The following MYO3A variants were observed in gnomAD, a reference collection of about 807,000 sequenced individuals.
MYO3A encodes myosin IIIA, also known as myosin-IIIa.
Under a neutral mutation model 192.7 loss-of-function variants are expected in MYO3A, and 180 were observed. The ratio of observed to expected loss-of-function variants is 0.93; its 90% confidence interval spans 0.83 to 1.06. The LOEUF (loss-of-function observed/expected upper bound fraction) is 1.06, where lower values mean the gene tolerates loss of function less well. Among genes scored for constraint, MYO3A ranks in the 50% least tolerant of loss-of-function variants. MYO3A has a pLI of 0.00. For missense variants in MYO3A, 1,896 were observed against 1,905.0 expected (o/e 1.00, Z 0.09); for synonymous variants, 628 against 645.3 (o/e 0.97, Z 0.41).
chr10:26,015,561 T>C (rs977314427), intron 6 of MYO3A, among the ~76,000 whole-genome samples: 18 of 152,222 alleles, frequency 1.2e-4, no homozygotes, highest in Non-Finnish European at 2.6e-4. Context: ...AGCTTAAGTT[T>C]ACTAACCTGA....
At chr10:25,968,042 T>G (rs756135506) in intron 4 of MYO3A, among the ~76,000 whole-genome samples, 2 of 152,140 alleles carry the variant, frequency 1.3e-5, no homozygotes, top group African/African-American at 2.4e-5. Flanking sequence ...GCTGAAATTT[T>G]TCTAAATTTG....
chr10:26,013,998 T>C lies in MYO3A; in HGVS notation c.509-2822T>C, dbSNP rs1328356555. ...CAACTTGGATGGAGCTGGAGGCCATTATGCTAAGTGAAATATCACAGGAGT... is the reference window on the plus strand; with the variant it reads ...CAACTTGGATGGAGCTGGAGGCCATCATGCTAAGTGAAATATCACAGGAGT... On this transcript the variant is annotated intron_variant, in intron 6 of 34. Transcript: ENST00000642920. 3.3e-5 allele frequency among the ~76,000 whole-genome samples: 5 copies of C among 152,228 alleles called. No homozygotes were observed. The East Asian group carries it at 7.7e-4, about 24-fold the overall frequency.
intron 10 of MYO3A, among the ~76,000 whole-genome samples, chr10:26,065,026 T>C (rs1031218403): frequency 6.6e-6 from 1 of 152,094 alleles, no homozygotes; most frequent in Admixed American, 6.5e-5. Flanking sequence ...AACTGAAACT[T>C]GGGAGACCCC....
intron 17 of MYO3A, among the ~76,000 whole-genome samples, chr10:26,104,249 A>G (rs2131604180): frequency 6.6e-6 from 1 of 152,226 alleles, no homozygotes; most frequent in South Asian, 2.1e-4. Flanking sequence ...TTAGTGTTGT[A>G]TAGAAAACCA....
At chr10:26,056,063 C>T (rs926489721) in intron 10 of MYO3A, among the ~76,000 whole-genome samples, 6 of 152,154 alleles carry the variant, frequency 3.9e-5, no homozygotes, top group African/African-American at 1.4e-4. Flanking sequence ...TTTGTAAGTC[C>T]ACAGTTAATA....
At chr10:26,153,780 G>T (rs1840938564) in intron 23 of MYO3A, 70 bp from the exon 24 acceptor site, 1 of 1,022,726 alleles carries the variant, frequency 9.8e-7, no homozygotes, top group Non-Finnish European at 1.5e-6. Context: ...TAACATTTAA[G>T]TAAATGGGAA....
Position 26,157,531 on chromosome 10 carries a change from T to C in MYO3A, c.2999+16T>C, listed in dbSNP as rs1330288171. The C allele has an allele frequency of 6.2e-7, 1 of 1,605,260 alleles. No homozygotes were observed. Among genetic ancestry groups the C allele is most frequent in the Non-Finnish European group, 8.5e-7 (1 of 1,172,048 alleles). On this transcript the variant is annotated intron_variant, in intron 26 of 34. Coordinates refer to ENST00000642920, the MANE Select transcript of MYO3A (RefSeq NM_017433.5). ...TTATAAAGCGGTATGTGGATTTCTT[T>C]TTCAGTTTCTATTGTGCAGTTTATA...
chr10:26,018,478 C>G (rs1485065275), intron 7 of MYO3A, among the ~76,000 whole-genome samples: 2 of 151,966 alleles, frequency 1.3e-5, no homozygotes, highest in African/African-American at 2.4e-5. Flanking sequence ...ACCATAATGG[C>G]ATAGAAGTAT....
chr10:26,109,794 T>C (rs926595156), intron 17 of MYO3A, among the ~76,000 whole-genome samples: 7 of 152,204 alleles, frequency 4.6e-5, no homozygotes, highest in African/African-American at 1.7e-4. Context: ...GAATCTCTCA[T>C]TGAATTCTGA....
At chr10:26,159,942 T>C (rs1238449715) in intron 26 of MYO3A, among the ~76,000 whole-genome samples, 1 of 152,058 alleles carries the variant, frequency 6.6e-6, no homozygotes, top group East Asian at 1.9e-4. Flanking sequence ...AATGGAATTT[T>C]TTTATTGGCT....
At chr10:26,077,242 T>TTTTTTTTGTTTG (rs1835644407) in intron 14 of MYO3A, among the ~76,000 whole-genome samples, 1 of 140,698 alleles carries the variant, frequency 7.1e-6, no homozygotes, top group Non-Finnish European at 1.5e-5. Context: ...GGTTTTTTTT[T>TTTTTTTTGTTTG]TTTTTTTTTT....
chr10:26,109,136 A>G (rs185577120), intron 17 of MYO3A, among the ~76,000 whole-genome samples: 1 of 152,356 alleles, frequency 6.6e-6, no homozygotes, highest in East Asian at 1.9e-4. Context: ...TGTACAATCC[A>G]TGTAAGAATG....
chr10:25,979,172 G>A (rs573976018), intron 4 of MYO3A, among the ~76,000 whole-genome samples: 58 of 152,236 alleles, frequency 3.8e-4, no homozygotes, highest in Middle Eastern at 3.4e-3. Flanking sequence ...TATATCTCCT[G>A]CACTACAAGC....
chr10:26,196,670 TC>T (rs1255809797), intron 32 of MYO3A, among the ~76,000 whole-genome samples: 2 of 152,236 alleles, frequency 1.3e-5, no homozygotes, highest in Non-Finnish European at 2.9e-5. Flanking sequence ...CCAAACACTT[TC>T]TGTAATTTTA....
intron 6 of MYO3A, among the ~76,000 whole-genome samples, chr10:26,011,832 T>C (rs539036668): frequency 2.0e-5 from 3 of 152,180 alleles, no homozygotes; most frequent in African/African-American, 4.8e-5. Context: ...CTGATGAACA[T>C]TGATGCAAAA....
Position 26,174,395 on chromosome 10 carries a change from G to T in MYO3A, c.4131G>T (p.Gln1377His). 1 of 1,614,202 alleles carries T rather than the reference G, an allele frequency of 6.2e-7. No homozygotes were observed. The highest frequency in any genetic ancestry group is 1.1e-5 in the South Asian group (1 of 91,084). Residue 1377 changes from glutamine (Q) to histidine (H), a missense_variant, in exon 30 of 35, where the codon CAG becomes CAT. Transcript: ENST00000642920. ...ACAAGATGTCTTCTTTTAAGCATCA[G>T]AGGATTGTCACAACACCAACAGAAG... is the stretch of plus-strand genomic sequence containing the variant. ...RKDKMSSFKH[Q>H]RIVTTPTEVA...
chr10:25,993,330 G>T (rs1840180537), intron 4 of MYO3A, among the ~76,000 whole-genome samples: 1 of 152,130 alleles, frequency 6.6e-6, no homozygotes, highest in Admixed American at 6.5e-5. Context: ...ATGGTAGTTT[G>T]TATTTCTGTG....
intron 17 of MYO3A, among the ~76,000 whole-genome samples, chr10:26,097,088 T>C (rs1402185211): frequency 6.6e-6 from 1 of 152,096 alleles, no homozygotes; most frequent in Admixed American, 6.5e-5. Flanking sequence ...TGACCTTTAG[T>C]ATATTCATAG....
At chr10:26,006,609 GC>G (rs1484642800) in intron 6 of MYO3A, among the ~76,000 whole-genome samples, 3 of 152,110 alleles carry the variant, frequency 2.0e-5, no homozygotes, top group African/African-American at 7.2e-5. Flanking sequence ...ACACCTCTAC[GC>G]AAATAAACTA....
Sources: allele counts gnomAD v4.1 joint callset (sites outside exome capture counted in the v4.1 genomes callset), GRCh38; gene constraint gnomAD v4.1.1; transcripts MANE v1.5; gene names NCBI Gene and HGNC (gene_info 2026-07-23, HGNC 2026-07-21).